TIMELESS: variants seen among roughly 807,000 people sequenced by gnomAD.
TIMELESS encodes timeless circadian regulator.
In TIMELESS, 124 loss-of-function variants were observed where a neutral mutation model predicts 164.3. The observed-to-expected ratio is 0.75, with a 90% CI of 0.65 to 0.88. The LOEUF (loss-of-function observed/expected upper bound fraction) is 0.88. Among genes scored for constraint, TIMELESS ranks in the 40% least tolerant of loss-of-function variants. The probability of loss-of-function intolerance (pLI) is 0.00; values close to 1 mark genes in which losing one functional copy is unlikely to be tolerated. For missense variants in TIMELESS, 1,422 were observed against 1,491.4 expected (o/e 0.95, Z 0.77); for synonymous variants, 564 against 563.4 (o/e 1.00, Z -0.02).
Position 56,418,133 on chromosome 12 carries a change from C to G in TIMELESS, c.3454+1G>C. 1 of 1,614,146 alleles carries G rather than the reference C, an allele frequency of 6.2e-7. No homozygotes were observed. The highest frequency in any genetic ancestry group is 8.5e-7 in the Non-Finnish European group (1 of 1,179,976). ...TCAGAAGATGGCTGTCGCACTATTA[C>G]CCTCTGGGGATGCCAGGCCCGCTTT... On this transcript the variant is annotated splice_donor_variant, in intron 27 of 28. Coordinates refer to ENST00000553532, the MANE Select transcript of TIMELESS (RefSeq NM_003920.5). LOFTEE classifies it high-confidence loss of function.
chr12:56,438,740 C>T (rs140702472), intron 1 of TIMELESS, among the ~76,000 whole-genome samples: 254 of 135,928 alleles, frequency 1.9e-3, no homozygotes, highest in African/African-American at 6.6e-3. Context: ...ATTGCGCCAC[C>T]GCACTCCAGC....
rs1881771129 is a variant in TIMELESS at position 56,428,950 on chromosome 12, G to A, written c.1237C>T (p.Gln413Ter). 1 of 1,614,018 alleles carries A rather than the reference G, an allele frequency of 6.2e-7. No homozygotes were observed. Among genetic ancestry groups the A allele is most frequent in the African/African-American group, 1.3e-5 (1 of 74,908 alleles). Residue 413 changes from glutamine (Q) to a stop codon, truncating the protein, a stop_gained, in exon 11 of 29, where the codon CAG (glutamine) becomes TAG (stop). Coordinates refer to ENST00000553532, the MANE Select transcript of TIMELESS (RefSeq NM_003920.5). LOFTEE classifies it high-confidence loss of function. ...ATCTCATAGTAGTTGGTGAGGTTCT[G>A]CTCAATGAAGTGGAAGGTACGGACA... ...LSVRTFHFIEQNLTNYYEMML... is the reference protein window; with the variant it reads ...LSVRTFHFIE
chr12:56,422,219 T>C lies in TIMELESS; in HGVS notation c.2439-28A>G, dbSNP rs1881521741. On this transcript the variant is annotated intron_variant, in intron 19 of 28. Coordinates refer to ENST00000553532, the MANE Select transcript of TIMELESS (RefSeq NM_003920.5). ...GAATGGTGAAAGGAGAAAGGGAGCA[T>C]ATAGGTTCTTGGCCCAAAAAGAGGA... 3 of 1,608,492 alleles carry C rather than the reference T, an allele frequency of 1.9e-6. No homozygotes were observed. The African/African-American group carries it at 4.0e-5, about 22-fold the overall frequency.
Position 56,417,540 on chromosome 12 carries a change from G to A in TIMELESS, c.*176C>T. ...AAACTGGGAGAAACAAAGACTGACA[G>A]CAGAGAAGTCCAATACTGCTGCTGA... On this transcript the variant is annotated 3_prime_UTR_variant, in exon 29 of 29. Transcript: ENST00000553532. 1 of 609,202 alleles carries A rather than the reference G, an allele frequency of 1.6e-6. No homozygotes were observed. Among genetic ancestry groups the A allele is most frequent in the Non-Finnish European group, 2.9e-6 (1 of 345,422 alleles). The allele number at this position is 609,202 out of a possible 1,614,324, so 37.7% of individuals were successfully genotyped here. A position where few individuals can be genotyped will look rare whatever the true frequency, so the allele number is the denominator to read the frequency against.
At position 56,428,982 on chromosome 12, in the gene TIMELESS, G is replaced by T; in HGVS notation, c.1205C>A (p.Thr402Asn). The change falls in exon 11 of 29, where the codon ACC (threonine) becomes AAC (asparagine). Residue 402 changes from threonine (T) to asparagine (N), a missense_variant. Thr to Asn is a moderately conservative substitution (Grantham distance 65, BLOSUM62 0). Transcript: ENST00000553532. ...GAAGTGGAAGGTACGGACACTGAGG[G>T]TCTCAGAAACCAGGCCTGGCCGGAA... ...ASFRPGLVSE[T>N]LSVRTFHFIE... The T allele has an allele frequency of 6.2e-7, 1 of 1,614,172 alleles. No individual in the cohort carries two copies. The highest frequency in any genetic ancestry group is 2.2e-5 in the East Asian group (1 of 44,886).
intron 2 of TIMELESS, 52 bp downstream of exon 2, chr12:56,434,022 A>G: frequency 1.9e-6 from 3 of 1,611,380 alleles, no homozygotes; most frequent in Admixed American, 3.3e-5. Flanking sequence ...AATTCAACAG[A>G]CCTCCTTAAT....
intron 26 of TIMELESS, among the ~76,000 whole-genome samples, chr12:56,420,032 ATAT>A: frequency 5.7e-5 from 4 of 69,892 alleles, no homozygotes; most frequent in Admixed American, 1.5e-4. Context: ...AAAAAAAAAT[ATAT>A]ATATATATAT....
At chr12:56,444,368 C>T (rs997185551) in intron 1 of TIMELESS, among the ~76,000 whole-genome samples, 1 of 152,170 alleles carries the variant, frequency 6.6e-6, no homozygotes, top group African/African-American at 2.4e-5. Context: ...ACTCTCTCAA[C>T]TCTCTCCACC....
chr12:56,433,707 C>T, intron 3 of TIMELESS, 55 bp from the exon 4 acceptor site: 2 of 1,613,588 alleles, frequency 1.2e-6, no homozygotes, highest in Non-Finnish European at 1.7e-6. Context: ...AGCTCAAACG[C>T]CAAACCTATC....
At position 56,420,849 on chromosome 12, in the gene TIMELESS, A is replaced by G; in HGVS notation, c.3073T>C (p.Cys1025Arg). The change falls in exon 25 of 29, where the codon TGC (cysteine) becomes CGC (arginine). Residue 1025 changes from cysteine to arginine, a missense_variant. By Grantham distance (180) the Cys-to-Arg change is radical. Coordinates refer to ENST00000553532, the MANE Select transcript of TIMELESS (RefSeq NM_003920.5). ...CGATCATCAGCTGCTCGGATCAGGC[A>G]GTTCTGGAGCCATAGGAGCGGGATA... ...FSIPLLWLQN[C>R]LIRAADDREE... The G allele has an allele frequency of 6.2e-7, 1 of 1,614,168 alleles. No individual in the cohort carries two copies. Among genetic ancestry groups the G allele is most frequent in the Non-Finnish European group, 8.5e-7 (1 of 1,180,038 alleles).
At chr12:56,424,695 A>T in intron 15 of TIMELESS, 67 bp downstream of exon 15, 1 of 1,549,916 alleles carries the variant, frequency 6.5e-7, no homozygotes, top group South Asian at 1.2e-5. Flanking sequence ...GACTGAGAAC[A>T]CTGTACCGCA....
chr12:56,423,524 C>G, intron 17 of TIMELESS, 49 bp from the exon 18 acceptor site: 1 of 1,612,872 alleles, frequency 6.2e-7, no homozygotes, highest in Non-Finnish European at 8.5e-7. Flanking sequence ...GAAGACATAG[C>G]TCATCCTCAC....
In TIMELESS at chr12:56,434,219, G is replaced by C. The variant is rs781371876; in HGVS notation, c.-49C>G. On this transcript the variant is annotated 5_prime_UTR_variant, in exon 2 of 29. Transcript: ENST00000553532. ...GAAGGAAGTGGAGAAACAGGAGACAGAAATGATGAGGCCTGGAGAAATAGA... is the reference window on the plus strand; with the variant it reads ...GAAGGAAGTGGAGAAACAGGAGACACAAATGATGAGGCCTGGAGAAATAGA... 4.3e-6 allele frequency: 6 copies of C among 1,398,802 alleles called. No individual in the cohort carries two copies. Among genetic ancestry groups the C allele is most frequent in the Non-Finnish European group, 6.1e-6 (6 of 984,170 alleles). The allele number at this position is 1,398,802 out of a possible 1,614,324, so 86.6% of individuals were successfully genotyped here. A position where few individuals can be genotyped will look rare whatever the true frequency, so the allele number is the denominator to read the frequency against.
At chr12:56,423,033 A>T in intron 18 of TIMELESS, 41 bp from the exon 19 acceptor site, 1 of 1,592,486 alleles carries the variant, frequency 6.3e-7, no homozygotes, top group Non-Finnish European at 8.5e-7. Flanking sequence ...CTCTGGTCCA[A>T]TGCAGACCCG....
At chr12:56,430,649 G>C (rs897951162) in intron 9 of TIMELESS, among the ~76,000 whole-genome samples, 1 of 152,078 alleles carries the variant, frequency 6.6e-6, no homozygotes, top group Non-Finnish European at 1.5e-5. Flanking sequence ...TTACAGGCAT[G>C]AGCCATTGTA....
At chr12:56,441,521 G>A (rs1868273843) in intron 1 of TIMELESS, among the ~76,000 whole-genome samples, 2 of 152,200 alleles carry the variant, frequency 1.3e-5, no homozygotes, top group African/African-American at 4.8e-5. Context: ...CAGCTACCCA[G>A]GAGGCTAAGG....
intron 1 of TIMELESS, among the ~76,000 whole-genome samples, chr12:56,436,318 G>C (rs1281399777): frequency 6.6e-6 from 1 of 151,984 alleles, no homozygotes; most frequent in Non-Finnish European, 1.5e-5. Flanking sequence ...GCTGGGTGTG[G>C]TGGTGTGTAC....
rs560108142 is a variant in TIMELESS at position 56,420,754 on chromosome 12, A to C, written c.3109+59T>G. 2.4e-4 allele frequency: 384 copies of C among 1,613,170 alleles called. 6 individuals are homozygous for C. The South Asian group carries it at 4.0e-3, about 17-fold the overall frequency. ...AGAACTGGTTCTCCATCCCATGACC[A>C]GGTAGGTCTCCAATAGCCTCCAGGG... On this transcript the variant is annotated intron_variant, in intron 25 of 28. Coordinates refer to ENST00000553532, the MANE Select transcript of TIMELESS (RefSeq NM_003920.5).
At position 56,432,427 on chromosome 12, in the gene TIMELESS, G is replaced by C. The variant is rs778343658; in HGVS notation, c.629C>G (p.Ala210Gly). 6.2e-7 allele frequency: 1 copy of C among 1,614,220 alleles called. No individual in the cohort carries two copies. Among genetic ancestry groups the C allele is most frequent in the Non-Finnish European group, 8.5e-7 (1 of 1,180,038 alleles). Residue 210 changes from alanine to glycine, a missense_variant, in exon 7 of 29, where the codon GCT becomes GGT. Coordinates refer to ENST00000553532, the MANE Select transcript of TIMELESS (RefSeq NM_003920.5). ...DLLLFLASSS[A>G]EEQWSLHVLE... ...CACATGTAGGCTCCATTGCTCCTCAGCAGACGAGCTGGCCAGAAAGAGGAG... is the reference window on the plus strand; with the variant it reads ...CACATGTAGGCTCCATTGCTCCTCACCAGACGAGCTGGCCAGAAAGAGGAG...
Sources: gnomAD v4.1 joint callset for allele counts (sites outside exome capture counted in the v4.1 genomes callset) on GRCh38, gnomAD v4.1.1 for gene constraint, MANE v1.5 for transcripts, NCBI Gene and HGNC (gene_info 2026-07-23, HGNC 2026-07-21) for gene names.